The following HMCN1 variants were observed in gnomAD, a reference collection of about 807,000 sequenced individuals.
HMCN1 encodes hemicentin 1.
HMCN1 carries 321 observed loss-of-function variants against 625.9 expected under a neutral mutation model. The observed-to-expected ratio is 0.51, with a 90% CI of 0.47 to 0.56. The LOEUF is 0.56. Ranked by LOEUF, HMCN1 falls within the 20% of genes least tolerant of loss-of-function variation. The pLI is 0.00. For synonymous variants in HMCN1, 2,425 were observed against 2,417.6 expected (o/e 1.00, Z -0.09); for missense variants, 6,588 against 6,887.3 (o/e 0.96, Z 1.54).
At chr1:186,186,660 C>G (rs1252284867) in intron 105 of HMCN1, among the ~76,000 whole-genome samples, 1 of 152,088 alleles carries the variant, frequency 6.6e-6, no homozygotes, top group South Asian at 2.1e-4. Context: ...TAGTTGCAAT[C>G]TGTTTTTGTA....
intron 4 of HMCN1, among the ~76,000 whole-genome samples, chr1:185,901,599 T>C (rs1215363574): frequency 6.6e-6 from 1 of 151,798 alleles, no homozygotes; most frequent in Non-Finnish European, 1.5e-5. Context: ...GAGCTTAGCA[T>C]GTAAGTGCTG....
At position 186,063,467 on chromosome 1, in the gene HMCN1, AAG is replaced by A. The variant is rs1558188626; in HGVS notation, c.7513+868_7513+869del. The stretch of plus-strand genomic sequence containing the variant: ...CGGAGAGAGAAGGAAGGAAGGAAGG[AAG>A]GAAGGAAGGAAGGAAGGAAGGAAGG... On this transcript the variant is annotated intron_variant, in intron 48 of 106. Coordinates refer to ENST00000271588, the MANE Select transcript of HMCN1 (RefSeq NM_031935.3). 6.2e-4 allele frequency among the ~76,000 whole-genome samples: 81 copies of A among 129,738 alleles called. 1 individual carries two copies. The highest frequency in any genetic ancestry group is 3.7e-3 in the Middle Eastern group (1 of 268). 85.1% of individuals were successfully genotyped at this position (129,738 alleles called of 152,430 possible).
At chr1:185,948,904 G>C (rs920992953) in intron 11 of HMCN1, among the ~76,000 whole-genome samples, 1 of 151,838 alleles carries the variant, frequency 6.6e-6, no homozygotes, top group African/African-American at 2.4e-5. Flanking sequence ...AAGCTGAAGG[G>C]AGGTCTTGTG....
At chr1:186,147,123 C>CT (rs1558259249) in intron 93 of HMCN1, among the ~76,000 whole-genome samples, 1 of 152,210 alleles carries the variant, frequency 6.6e-6, no homozygotes, top group African/African-American at 2.4e-5. Context: ...TTACTCTCTA[C>CT]GCTTTCTACT....
chr1:186,023,036 T>A lies in HMCN1; in HGVS notation c.5632T>A (p.Ser1878Thr), dbSNP rs1038571182. The A allele has an allele frequency of 1.9e-6, 3 of 1,613,378 alleles. No homozygotes were observed. The highest frequency in any genetic ancestry group is 2.5e-6 in the Non-Finnish European group (3 of 1,179,504). Residue 1878 changes from serine to threonine, a missense_variant, in exon 36 of 107, where the codon TCT (serine) becomes ACT (threonine). Ser to Thr is a moderately conservative substitution (Grantham distance 58). Coordinates refer to ENST00000271588, the MANE Select transcript of HMCN1 (RefSeq NM_031935.3). ...NTAQGNLKIQ[S>T]SGRVLQIAKT... ...GCTTTCTGCTCCCAATTAGATACAG[T>A]CTTCTGGTCGAGTTCTACAAATTGC... is the stretch of plus-strand genomic sequence containing the variant.
At chr1:186,012,245 C>T (rs559508010) in intron 30 of HMCN1, among the ~76,000 whole-genome samples, 14 of 149,910 alleles carry the variant, frequency 9.3e-5, no homozygotes, top group Non-Finnish European at 1.6e-4. Flanking sequence ...TTTGCTTCAA[C>T]GTATATTTTT....
In HMCN1 at chr1:186,135,324, G is replaced by A. The variant is rs573660214; in HGVS notation, c.13313-1344G>A. Among the ~76,000 whole-genome samples, 13 of 152,118 alleles carry A rather than the reference G, an allele frequency of 8.5e-5. 1 individual carries two copies. In the South Asian group the frequency reaches 2.7e-3, roughly 32 times the overall value. On this transcript the variant is annotated intron_variant, in intron 86 of 106. Coordinates refer to ENST00000271588, the MANE Select transcript of HMCN1 (RefSeq NM_031935.3). Reference sequence around the variant, plus strand: ...TTATCCTGATTTTCTTCCTACCTCAGTGATTCGTTCTGAGTATCTTTATAA... The same window carrying A: ...TTATCCTGATTTTCTTCCTACCTCAATGATTCGTTCTGAGTATCTTTATAA...
chr1:186,059,405 A>C (rs1304764297), intron 46 of HMCN1, among the ~76,000 whole-genome samples: 1 of 152,064 alleles, frequency 6.6e-6, no homozygotes, highest in African/African-American at 2.4e-5. Context: ...CTGGAAGTGA[A>C]AAAGGCAAGC....
chr1:186,072,315 T>G (rs1658524966), intron 52 of HMCN1, among the ~76,000 whole-genome samples: 1 of 152,214 alleles, frequency 6.6e-6, no homozygotes, highest in African/African-American at 2.4e-5. Context: ...GTTTTATTTA[T>G]TCATACCCTG....
intron 18 of HMCN1, 133 bp from the exon 19 acceptor site, chr1:185,984,036 C>A: frequency 1.5e-6 from 1 of 676,044 alleles, no homozygotes; most frequent in African/African-American, 1.8e-5. Flanking sequence ...TCGTTCTTCA[C>A]TTAAGGACAT....
At chr1:186,167,584 G>T (rs1651958869) in intron 100 of HMCN1, among the ~76,000 whole-genome samples, 1 of 152,186 alleles carries the variant, frequency 6.6e-6, no homozygotes, top group Admixed American at 6.5e-5. Context: ...TATCCACCAT[G>T]ATAGTGTGGT....
chr1:186,040,033 T>A lies in HMCN1; in HGVS notation c.6180+154T>A, dbSNP rs566987709. ...TGCAACCATAAACACCATGGACACA[T>A]AACTGGGGTCCCCAAACAATTCATT... is the stretch of plus-strand genomic sequence containing the variant. On this transcript the variant is annotated intron_variant, in intron 39 of 106. Coordinates refer to ENST00000271588, the MANE Select transcript of HMCN1 (RefSeq NM_031935.3). Among the ~76,000 whole-genome samples, 3 of 152,284 alleles carry A rather than the reference T, an allele frequency of 2.0e-5. No homozygotes were observed. In the South Asian group the frequency reaches 6.2e-4, roughly 32 times the overall value.
chr1:186,085,429 G>A (rs533217089), intron 57 of HMCN1, among the ~76,000 whole-genome samples: 1 of 152,182 alleles, frequency 6.6e-6, no homozygotes, highest in Non-Finnish European at 1.5e-5. Flanking sequence ...AGCATGCTTG[G>A]TGAGAGAGAG....
intron 11 of HMCN1, among the ~76,000 whole-genome samples, chr1:185,962,210 A>T (rs1205338426): frequency 6.6e-6 from 1 of 152,142 alleles, no homozygotes; most frequent in Non-Finnish European, 1.5e-5. Context: ...GTTTATAGGG[A>T]AGTGTCAGAT....
At chr1:185,975,974 C>T (rs1343122488) in intron 15 of HMCN1, among the ~76,000 whole-genome samples, 1 of 152,036 alleles carries the variant, frequency 6.6e-6, no homozygotes, top group African/African-American at 2.4e-5. Flanking sequence ...TGACAAATAT[C>T]CAGTGGCCAT....
chr1:186,173,467 C>T (rs1296745698), intron 102 of HMCN1, among the ~76,000 whole-genome samples: 1 of 151,690 alleles, frequency 6.6e-6, no homozygotes, highest in Non-Finnish European at 1.5e-5. Context: ...ATGGTGGAAC[C>T]TCATCTCTAC....
intron 11 of HMCN1, among the ~76,000 whole-genome samples, chr1:185,940,950 CG>C (rs1232870089): frequency 6.6e-6 from 1 of 151,990 alleles, no homozygotes; most frequent in Non-Finnish European, 1.5e-5. Context: ...TTAGTAGAGA[CG>C]GGGTTTCTCC....
At chr1:185,833,395 T>C (rs1194209858) in intron 1 of HMCN1, among the ~76,000 whole-genome samples, 2 of 152,210 alleles carry the variant, frequency 1.3e-5, no homozygotes, top group Non-Finnish European at 2.9e-5. Context: ...CAATGTGAAC[T>C]GTGTAATTAG....
intron 1 of HMCN1, among the ~76,000 whole-genome samples, chr1:185,773,562 T>G (rs2102152117): frequency 1.3e-5 from 2 of 152,176 alleles, no homozygotes; most frequent in Non-Finnish European, 1.5e-5. Flanking sequence ...CCAAGGAAAA[T>G]GCAGAGAAAA....
Sources: allele counts gnomAD v4.1 joint callset (sites outside exome capture counted in the v4.1 genomes callset), GRCh38; gene constraint gnomAD v4.1.1; transcripts MANE v1.5; gene names NCBI Gene and HGNC (gene_info 2026-07-23, HGNC 2026-07-21).